GALNT17: variants seen among roughly 807,000 people sequenced by gnomAD.
GALNT17 encodes the protein polypeptide N-acetylgalactosaminyltransferase 17.
Under a neutral mutation model 63.7 loss-of-function variants are expected in GALNT17, and 29 were observed. That is an observed-to-expected ratio of 0.46 (90% CI 0.34 to 0.62). The LOEUF is 0.62. Ranked by LOEUF, GALNT17 falls within the 20% of genes least tolerant of loss-of-function variation. The probability of loss-of-function intolerance (pLI) is 0.01; values close to 1 mark genes in which losing one functional copy is unlikely to be tolerated. For synonymous variants in GALNT17, 305 were observed against 318.3 expected, an observed-to-expected ratio of 0.96 and a Z score of 0.45; for missense variants, 603 against 799.6, an observed-to-expected ratio of 0.75 and a Z score of 2.97.
intron 5 of GALNT17, among the ~76,000 whole-genome samples, chr7:71,452,174 T>A (rs966648450): frequency 1.3e-5 from 2 of 151,860 alleles, no homozygotes; most frequent in African/African-American, 4.8e-5. Flanking sequence ...GCCCAAGACT[T>A]TGAGGCTGCA....
intron 6 of GALNT17, among the ~76,000 whole-genome samples, chr7:71,654,317 G>A (rs1053267914): frequency 1.3e-5 from 2 of 152,184 alleles, no homozygotes. Flanking sequence ...GAGCCACTGC[G>A]CCCGGCCGGC....
intron 6 of GALNT17, among the ~76,000 whole-genome samples, chr7:71,653,425 T>A (rs1438781612): frequency 6.9e-6 from 1 of 144,100 alleles, no homozygotes; most frequent in Non-Finnish European, 1.6e-5. Context: ...TTTTTTTTTT[T>A]TAAGACTTTC....
intron 1 of GALNT17, among the ~76,000 whole-genome samples, chr7:71,146,822 A>T (rs1788032504): frequency 6.6e-6 from 1 of 152,188 alleles, no homozygotes; most frequent in Admixed American, 6.5e-5. Flanking sequence ...GCCATGCATG[A>T]GTAATAAACT....
intron 2 of GALNT17, among the ~76,000 whole-genome samples, chr7:71,338,094 G>A (rs535182986): frequency 6.6e-6 from 1 of 152,030 alleles, no homozygotes; most frequent in South Asian, 2.1e-4. Context: ...TTGGGAGGCC[G>A]AGGCGGGCGG....
chr7:71,357,996 A>C (rs893513236), intron 2 of GALNT17, among the ~76,000 whole-genome samples: 1 of 152,162 alleles, frequency 6.6e-6, no homozygotes, highest in Non-Finnish European at 1.5e-5. Flanking sequence ...CAAATAAGGG[A>C]ATAAAAGCTG....
At chr7:71,533,762 C>T (rs1314624468) in intron 5 of GALNT17, among the ~76,000 whole-genome samples, 1 of 152,070 alleles carries the variant, frequency 6.6e-6, no homozygotes, top group East Asian at 1.9e-4. Context: ...TAAGTATTGC[C>T]AGGGAAGACA....
At chr7:71,240,880 G>A (rs1440944806) in intron 1 of GALNT17, among the ~76,000 whole-genome samples, 2 of 152,094 alleles carry the variant, frequency 1.3e-5, no homozygotes, top group Admixed American at 1.3e-4. Flanking sequence ...TAGCCAGGAT[G>A]GTCTCGATCT....
At chr7:71,445,120 G>A (rs1312456508) in intron 5 of GALNT17, among the ~76,000 whole-genome samples, 1 of 151,938 alleles carries the variant, frequency 6.6e-6, no homozygotes, top group Non-Finnish European at 1.5e-5. Context: ...CAGTCACATG[G>A]GATGGTAATG....
At chr7:71,492,888 C>G (rs1030925410) in intron 5 of GALNT17, among the ~76,000 whole-genome samples, 1 of 152,140 alleles carries the variant, frequency 6.6e-6, no homozygotes, top group Non-Finnish European at 1.5e-5. Context: ...AGAGAAGTAG[C>G]TGTGGAAGAT....
chr7:71,185,046 C>CCCAT lies in GALNT17; in HGVS notation c.238+52008_238+52009insATCC, dbSNP rs148184362. ...TCCTTCCTTCCTCTTCTCTTCCTCCCCCTCCTCCTCCTCCTTCTGCTTCTT... is the reference window on the plus strand; with the variant it reads ...TCCTTCCTTCCTCTTCTCTTCCTCCCCCATCCTCCTCCTCCTCCTTCTGCTTCTT... On this transcript the variant is annotated intron_variant, in intron 1 of 10. Coordinates refer to ENST00000333538, the MANE Select transcript of GALNT17 (RefSeq NM_022479.3). Among the ~76,000 whole-genome samples, 5 of 125,290 alleles carry CCCAT rather than the reference C, an allele frequency of 4.0e-5. No individual in the cohort carries two copies. In the South Asian group the frequency reaches 1.3e-3, roughly 33 times the overall value. The allele number at this position is 125,290 out of a possible 152,430, so 82.2% of individuals were successfully genotyped here.
At chr7:71,670,798 G>A (rs1199612692) in intron 8 of GALNT17, among the ~76,000 whole-genome samples, 2 of 152,168 alleles carry the variant, frequency 1.3e-5, no homozygotes, top group South Asian at 2.1e-4. Context: ...GTCACAGAGC[G>A]TGTAAGTCAC....
At chr7:71,383,455 T>C (rs1792882135) in intron 2 of GALNT17, among the ~76,000 whole-genome samples, 1 of 152,204 alleles carries the variant, frequency 6.6e-6, no homozygotes, top group African/African-American at 2.4e-5. Flanking sequence ...ATTATTGTTA[T>C]TGAGACTGAG....
At chr7:71,701,871 A>AG in intron 9 of GALNT17, among the ~76,000 whole-genome samples, 1 of 93,200 alleles carries the variant, frequency 1.1e-5, no homozygotes, top group African/African-American at 4.2e-5. Context: ...ATATATATAC[A>AG]TATATATATG....
chr7:71,184,989 TTC>T lies in GALNT17; in HGVS notation c.238+51950_238+51951del, dbSNP rs1209285775. Among the ~76,000 whole-genome samples, 175 of 123,832 alleles carry T rather than the reference TTC, an allele frequency of 1.4e-3. 1 individual carries two copies. Among genetic ancestry groups the T allele is most frequent in the African/African-American group, 6.0e-3 (171 of 28,314 alleles). 81.2% of individuals were successfully genotyped at this position (123,832 alleles called of 152,430 possible). A position where few individuals can be genotyped will look rare whatever the true frequency, so the allele number is the denominator to read the frequency against. ...CTTCCTTCCTTCCTTCCTTCCTTCC[TTC>T]CTTCCTTCTTCCTTCCCTCCCTCCC... is the stretch of plus-strand genomic sequence containing the variant. On this transcript the variant is annotated intron_variant, in intron 1 of 10. Coordinates refer to ENST00000333538, the MANE Select transcript of GALNT17 (RefSeq NM_022479.3).
chr7:71,461,303 T>C (rs1787446825), intron 5 of GALNT17, among the ~76,000 whole-genome samples: 1 of 152,206 alleles, frequency 6.6e-6, no homozygotes, highest in Non-Finnish European at 1.5e-5. Context: ...GAAAACACTT[T>C]TAAAAATGAC....
intron 5 of GALNT17, among the ~76,000 whole-genome samples, chr7:71,460,919 C>A (rs1163466144): frequency 6.6e-6 from 1 of 152,290 alleles, no homozygotes; most frequent in East Asian, 1.9e-4. Context: ...TTACTGCAAC[C>A]TATTTTTATC....
chr7:71,564,278 CTTTTT>C (rs10539122), intron 5 of GALNT17, among the ~76,000 whole-genome samples: 1 of 98,008 alleles, frequency 1.0e-5, no homozygotes, highest in Non-Finnish European at 1.9e-5. Context: ...CTTTTCTTTT[CTTTTT>C]TTTTTTTTTT....
At chr7:71,152,353 C>T (rs546929527) in intron 1 of GALNT17, among the ~76,000 whole-genome samples, 6 of 152,266 alleles carry the variant, frequency 3.9e-5, no homozygotes, top group South Asian at 2.1e-4. Flanking sequence ...TTGAATTAAA[C>T]GCTTTTTCTT....
chr7:71,494,740 A>G lies in GALNT17; in HGVS notation c.962+73635A>G, dbSNP rs113333315. ...ATAAAGACATACCTGAGACTGGGCA[A>G]TTTATAAAGGAAAGAGGTTTAATTG... On this transcript the variant is annotated intron_variant, in intron 5 of 10. Transcript: ENST00000333538. 3.1e-3 allele frequency among the ~76,000 whole-genome samples: 467 copies of G among 152,212 alleles called. 5 individuals carry two copies. The highest frequency in any genetic ancestry group is 0.011 in the African/African-American group (445 of 41,512).
Sources: allele counts gnomAD v4.1 joint callset (sites outside exome capture counted in the v4.1 genomes callset), GRCh38; gene constraint gnomAD v4.1.1; transcripts MANE v1.5; gene names NCBI Gene and HGNC (gene_info 2026-07-23, HGNC 2026-07-21).